The following TRAPPC9 variants were observed in gnomAD, a reference collection of about 807,000 sequenced individuals.
TRAPPC9 encodes the protein trafficking protein particle complex subunit 9.
Under a neutral mutation model 124.0 loss-of-function variants are expected in TRAPPC9, and 83 were observed. The ratio of observed to expected loss-of-function variants is 0.67; its 90% CI spans 0.56 to 0.80. The LOEUF is 0.80. Ranked by LOEUF, TRAPPC9 falls within the 30% of genes least tolerant of loss-of-function variation. TRAPPC9 has a pLI of 0.00. For missense variants in TRAPPC9, 1,302 were observed against 1,508.3 expected, an observed-to-expected ratio of 0.86 and a Z score of 2.27; for synonymous variants, 638 against 617.5, an observed-to-expected ratio of 1.03 and a Z score of -0.49.
At chr8:139,869,818 C>T (rs1009482930) in intron 21 of TRAPPC9, among the ~76,000 whole-genome samples, 12 of 151,746 alleles carry the variant, frequency 7.9e-5, no homozygotes, top group African/African-American at 2.9e-4. Context: ...TTTTAACTCT[C>T]GGGACAGAAG....
intron 15 of TRAPPC9, among the ~76,000 whole-genome samples, chr8:140,254,160 C>A (rs1310407477): frequency 1.3e-5 from 2 of 152,218 alleles, no homozygotes; most frequent in African/African-American, 4.8e-5. Flanking sequence ...GGGCCCCAAA[C>A]GGCCTCACCA....
intron 4 of TRAPPC9, among the ~76,000 whole-genome samples, chr8:140,433,831 T>C (rs1255308378): frequency 1.3e-5 from 2 of 152,094 alleles, no homozygotes; most frequent in Non-Finnish European, 1.5e-5. Flanking sequence ...TACAACTACA[T>C]TGAAAGGAAA....
intron 17 of TRAPPC9, among the ~76,000 whole-genome samples, chr8:140,068,672 T>A (rs1842993821): frequency 6.6e-6 from 1 of 152,196 alleles, no homozygotes; most frequent in East Asian, 1.9e-4. Context: ...ATAGCTTAAT[T>A]CATCCATTTG....
chr8:140,233,376 T>C (rs1311161102), intron 16 of TRAPPC9, among the ~76,000 whole-genome samples: 1 of 152,054 alleles, frequency 6.6e-6, no homozygotes, highest in Non-Finnish European at 1.5e-5. Flanking sequence ...AGCTAATTTT[T>C]TGTGTTTTTA....
chr8:140,041,600 G>C (rs1841279210), intron 17 of TRAPPC9, among the ~76,000 whole-genome samples: 1 of 152,228 alleles, frequency 6.6e-6, no homozygotes, highest in South Asian at 2.1e-4. Context: ...AGGGGATGGG[G>C]AGAACGCTCG....
At position 139,984,992 on chromosome 8, in the gene TRAPPC9, G is replaced by C. The variant is rs1837153753; in HGVS notation, c.2810+3734C>G. On this transcript the variant is annotated intron_variant, in intron 19 of 22. Transcript: ENST00000438773. This position sits in a 1 kb window ranked among gnomAD's most constrained non-coding sequence, Gnocchi z 4.3. Reference sequence around the variant, plus strand: ...GTGTTGCCAATCCCCAGCGAGGAGGGGCCCTTATTTATTCTTCTCAGCACG... The same window carrying C: ...GTGTTGCCAATCCCCAGCGAGGAGGCGCCCTTATTTATTCTTCTCAGCACG... 6.6e-6 allele frequency among the ~76,000 whole-genome samples: 1 copy of C among 152,278 alleles called. No individual in the cohort carries two copies. Among genetic ancestry groups the C allele is most frequent in the Middle Eastern group, 3.4e-3 (1 of 294 alleles).
intron 16 of TRAPPC9, among the ~76,000 whole-genome samples, chr8:140,229,625 GCGGCGCGATCT>G (rs989051746): frequency 6.6e-6 from 1 of 151,842 alleles, no homozygotes; most frequent in African/African-American, 2.4e-5. Flanking sequence ...CTGGAGTGTA[GCGGCGCGATCT>G]CGGCTCACTG....
chr8:139,956,087 C>T (rs967693653), intron 19 of TRAPPC9, among the ~76,000 whole-genome samples: 55 of 152,282 alleles, frequency 3.6e-4, no homozygotes, highest in African/African-American at 1.3e-3. Context: ...GCTCCTCGTT[C>T]GAAACACCCA....
At chr8:140,314,905 C>T (rs1275917986) in intron 9 of TRAPPC9, among the ~76,000 whole-genome samples, 1 of 152,232 alleles carries the variant, frequency 6.6e-6, no homozygotes, top group African/African-American at 2.4e-5. Context: ...TAAATGCAGG[C>T]ATGCAGTCAC....
chr8:139,987,842 C>A (rs540353166), intron 19 of TRAPPC9, among the ~76,000 whole-genome samples: 1 of 152,122 alleles, frequency 6.6e-6, no homozygotes, highest in African/African-American at 2.4e-5. Flanking sequence ...CACCTGCCTC[C>A]GGGCAAGCCC....
rs189388750 is a variant in TRAPPC9, at chr8:140,033,742, C to T, written c.2557-9663G>A. The stretch of plus-strand genomic sequence containing the variant: ...TGTCGCCCAGGCTGGAGTGCAGGGG[C>T]GTGATCTCAGCTCACTGCAACCTCC... On this transcript the variant is annotated intron_variant, in intron 17 of 22. Coordinates refer to ENST00000438773, the MANE Select transcript of TRAPPC9 (RefSeq NM_001160372.4). 4.9e-3 allele frequency among the ~76,000 whole-genome samples: 596 copies of T among 121,342 alleles called. 5 individuals are homozygous for T. The highest frequency in any genetic ancestry group is 0.01 in the African/African-American group (338 of 32,830). 79.6% of individuals were successfully genotyped at this position (121,342 alleles called of 152,430 possible). A position where few individuals can be genotyped will look rare whatever the true frequency, so the allele number is the denominator to read the frequency against.
chr8:139,921,874 G>A (rs1418633842), intron 19 of TRAPPC9, among the ~76,000 whole-genome samples: 4 of 150,780 alleles, frequency 2.7e-5, no homozygotes, highest in African/African-American at 9.8e-5. Flanking sequence ...GCGTCTGGGA[G>A]TGCACACCTG....
intron 17 of TRAPPC9, among the ~76,000 whole-genome samples, chr8:140,208,238 A>G (rs906024106): frequency 7.9e-5 from 12 of 152,184 alleles, no homozygotes; most frequent in Admixed American, 3.3e-4. Flanking sequence ...GAGGCACCCC[A>G]AACTAAGCTA....
chr8:140,023,819 T>C (rs1317744609), intron 18 of TRAPPC9, 118 bp downstream of exon 18: 1 of 1,488,880 alleles, frequency 6.7e-7, no homozygotes, highest in Non-Finnish European at 9.3e-7. Flanking sequence ...CTCAGCAACT[T>C]GGCCCCATGG....
At chr8:140,197,445 C>G (rs1252372404) in intron 17 of TRAPPC9, among the ~76,000 whole-genome samples, 1 of 152,128 alleles carries the variant, frequency 6.6e-6, no homozygotes, top group Non-Finnish European at 1.5e-5. Flanking sequence ...CGGTGACTTT[C>G]CTAAGGAAAA....
intron 2 of TRAPPC9, among the ~76,000 whole-genome samples, chr8:140,448,815 T>A (rs987401212): frequency 5.9e-5 from 9 of 152,260 alleles, no homozygotes; most frequent in African/African-American, 1.9e-4. Flanking sequence ...CAAGGTGAGG[T>A]AGAAAGGCCC....
At chr8:140,161,798 G>T (rs1327957567) in intron 17 of TRAPPC9, among the ~76,000 whole-genome samples, 3 of 152,072 alleles carry the variant, frequency 2.0e-5, no homozygotes, top group Non-Finnish European at 4.4e-5. Context: ...CAATGAGAGG[G>T]GAGAATGGGA....
At chr8:139,778,994 C>G (rs1159837290) in intron 21 of TRAPPC9, among the ~76,000 whole-genome samples, 1 of 151,936 alleles carries the variant, frequency 6.6e-6, no homozygotes, top group Non-Finnish European at 1.5e-5. Flanking sequence ...ATGTTTTTGC[C>G]ATTACTTTTA....
At chr8:140,273,579 G>A (rs77554081) in intron 15 of TRAPPC9, among the ~76,000 whole-genome samples, 3,093 of 152,244 alleles carry the variant, frequency 0.02, 102 homozygotes, top group African/African-American at 0.068. Flanking sequence ...TCCCACCCCA[G>A]GCCTCCCCTT....
Sources: allele counts gnomAD v4.1 joint callset (sites outside exome capture counted in the v4.1 genomes callset), GRCh38; gene constraint gnomAD v4.1.1; non-coding constraint Gnocchi (gnomAD v3.1); transcripts MANE v1.5; gene names NCBI Gene and HGNC (gene_info 2026-07-23, HGNC 2026-07-21).